SNX24: variants seen among roughly 807,000 people sequenced by gnomAD.
SNX24 encodes sorting nexin-24.
In SNX24, 22 loss-of-function variants were observed where a neutral mutation model predicts 28.7. The ratio of observed to expected loss-of-function variants is 0.77; its 90% CI spans 0.55 to 1.10. The LOEUF (loss-of-function observed/expected upper bound fraction) is 1.10, where lower values mean the gene tolerates loss of function less well. Ranked by LOEUF, SNX24 falls within the 50% of genes least tolerant of loss-of-function variation. The pLI is 0.00. For missense variants in SNX24, 221 were observed against 201.1 expected (o/e 1.10, Z -0.60); for synonymous variants, 69 against 71.5 (o/e 0.96, Z 0.18).
chr5:123,021,109 C>A (rs945667620), intron 5 of SNX24, among the ~76,000 whole-genome samples: 2 of 150,458 alleles, frequency 1.3e-5, no homozygotes, highest in African/African-American at 4.9e-5. Context: ...ACAGTTCCCC[C>A]CCCGTCCCCA....
At chr5:122,855,307 A>G (rs1290537403) in intron 1 of SNX24, among the ~76,000 whole-genome samples, 4 of 152,002 alleles carry the variant, frequency 2.6e-5, no homozygotes, top group African/African-American at 9.7e-5. Flanking sequence ...TGACCTCGTG[A>G]TCTGCTCGCC....
chr5:122,978,173 T>C (rs1761245913), intron 3 of SNX24, among the ~76,000 whole-genome samples: 1 of 152,214 alleles, frequency 6.6e-6, no homozygotes, highest in Admixed American at 6.5e-5. Flanking sequence ...CAAAATATGT[T>C]CATTGAATAA....
At chr5:122,907,433 C>A (rs148247795) in intron 1 of SNX24, among the ~76,000 whole-genome samples, 1 of 152,258 alleles carries the variant, frequency 6.6e-6, no homozygotes, top group South Asian at 2.1e-4. Context: ...AAAAGCCAGA[C>A]GGCCCTCAGG....
intron 1 of SNX24, among the ~76,000 whole-genome samples, chr5:122,928,340 A>G (rs1184014180): frequency 6.6e-6 from 1 of 152,194 alleles, no homozygotes; most frequent in African/African-American, 2.4e-5. Flanking sequence ...CATAATCCCC[A>G]GAACCTCTGA....
intron 1 of SNX24, among the ~76,000 whole-genome samples, chr5:122,870,124 GA>G (rs1755907310): frequency 6.6e-6 from 1 of 152,162 alleles, no homozygotes; most frequent in Non-Finnish European, 1.5e-5. Flanking sequence ...TTGTAGTATA[GA>G]ATGTTTTTCA....
At chr5:122,864,908 T>C (rs898181210) in intron 1 of SNX24, among the ~76,000 whole-genome samples, 8 of 152,248 alleles carry the variant, frequency 5.3e-5, no homozygotes, top group Non-Finnish European at 1.0e-4. Context: ...AGGGCTGTTA[T>C]CGTCTTTGTT....
At chr5:123,005,598 C>CT (rs1475895788) in intron 6 of SNX24, among the ~76,000 whole-genome samples, 2 of 152,174 alleles carry the variant, frequency 1.3e-5, no homozygotes, top group Admixed American at 6.5e-5. Flanking sequence ...GCTAAATATA[C>CT]TTACAATGTA....
chr5:122,994,478 A>T (rs1472150309), intron 3 of SNX24, among the ~76,000 whole-genome samples: 3 of 152,246 alleles, frequency 2.0e-5, no homozygotes, highest in African/African-American at 7.2e-5. Context: ...AGAAGAAAAG[A>T]TAACTGACAA....
rs540641590 is a variant in SNX24 at position 122,937,995 on chromosome 5, G to C, written c.144+1178G>C. Among the ~76,000 whole-genome samples the C allele has an allele frequency of 4.0e-4, 61 of 152,190 alleles. No individual in the cohort carries two copies. In the Middle Eastern group the frequency reaches 0.017, roughly 42 times the overall value. ...TGTGGGATTAAAACCAGCACCCCCT[G>C]CCTTGCCCAGCCTCTGTTGACCAGT... is the stretch of plus-strand genomic sequence containing the variant. On this transcript the variant is annotated intron_variant, in intron 2 of 6. Transcript: ENST00000261369.
chr5:122,948,354 C>T (rs889531694), intron 3 of SNX24, among the ~76,000 whole-genome samples: 12 of 152,114 alleles, frequency 7.9e-5, no homozygotes, highest in Admixed American at 5.9e-4. Flanking sequence ...GGAGTGGATG[C>T]CACCAGCACT....
intron 5 of SNX24, among the ~76,000 whole-genome samples, chr5:123,021,145 C>T (rs1400075266): frequency 7.1e-6 from 1 of 140,288 alleles, no homozygotes; most frequent in East Asian, 1.9e-4. Context: ...TCACTTCCTT[C>T]AGTCCCCGCT....
At chr5:122,867,420 C>T (rs1755771035) in intron 1 of SNX24, among the ~76,000 whole-genome samples, 1 of 152,194 alleles carries the variant, frequency 6.6e-6, no homozygotes, top group Non-Finnish European at 1.5e-5. Flanking sequence ...ATGATGGAAG[C>T]AATCCATTGT....
chr5:122,847,829 T>G (rs1296755332), intron 1 of SNX24, among the ~76,000 whole-genome samples: 2 of 152,068 alleles, frequency 1.3e-5, no homozygotes, highest in Admixed American at 6.5e-5. Flanking sequence ...TTTGCTTCTG[T>G]GAGTTTGTGA....
At chr5:122,846,541 T>A (rs1754643539) in intron 1 of SNX24, among the ~76,000 whole-genome samples, 1 of 152,250 alleles carries the variant, frequency 6.6e-6, no homozygotes, top group Non-Finnish European at 1.5e-5. Context: ...TTATTTTATT[T>A]ACATCAATCA....
At chr5:122,923,962 G>C (rs867403405) in intron 1 of SNX24, among the ~76,000 whole-genome samples, 2 of 152,194 alleles carry the variant, frequency 1.3e-5, no homozygotes, top group Non-Finnish European at 2.9e-5. Context: ...TGAGAATGTG[G>C]TATTTTTAGA....
rs139476186 is a variant in SNX24 at position 122,980,849 on chromosome 5, C to T, written c.250-19063C>T. ...AAAGGAAGTTGAAAAGAAAGAAGAC[C>T]TTCACTCTACAGGTTGCTGTTGGTG... On this transcript the variant is annotated intron_variant, in intron 3 of 6. Coordinates refer to ENST00000261369, the MANE Select transcript of SNX24 (RefSeq NM_014035.4). Among the ~76,000 whole-genome samples the T allele has an allele frequency of 2.5e-3, 376 of 152,018 alleles. 2 individuals are homozygous for T. The highest frequency in any genetic ancestry group is 0.017 in the Middle Eastern group (5 of 294).
At chr5:122,922,244 GT>G (rs1758463594) in intron 1 of SNX24, among the ~76,000 whole-genome samples, 1 of 151,912 alleles carries the variant, frequency 6.6e-6, no homozygotes, top group African/African-American at 2.4e-5. Flanking sequence ...TTTTGTTTTT[GT>G]GGGGTTTTTG....
At chr5:122,996,533 A>C (rs1338627019) in intron 3 of SNX24, among the ~76,000 whole-genome samples, 1 of 152,236 alleles carries the variant, frequency 6.6e-6, no homozygotes, top group African/African-American at 2.4e-5. Flanking sequence ...CTCGATGAAC[A>C]ATTATCCAAA....
intron 1 of SNX24, among the ~76,000 whole-genome samples, chr5:122,866,340 G>T (rs918390418): frequency 6.6e-6 from 1 of 152,106 alleles, no homozygotes; most frequent in African/African-American, 2.4e-5. Context: ...GTAGAGTTGG[G>T]GTTTCACCAT....
Sources: allele counts gnomAD v4.1 joint callset (sites outside exome capture counted in the v4.1 genomes callset), GRCh38; gene constraint gnomAD v4.1.1; transcripts MANE v1.5; gene names NCBI Gene and HGNC (gene_info 2026-07-23, HGNC 2026-07-21).